Variants in KCNIP3 observed in about 807,000 individuals in gnomAD.
KCNIP3 encodes potassium voltage-gated channel interacting protein 3, also known as calsenilin.
KCNIP3 carries 28 observed loss-of-function variants against 35.0 expected under a neutral mutation model. The ratio of observed to expected loss-of-function variants is 0.80; its 90% CI spans 0.59 to 1.10. KCNIP3 has a LOEUF of 1.10. Ranked by LOEUF, KCNIP3 falls within the 50% of genes least tolerant of loss-of-function variation. KCNIP3 has a pLI of 0.00. For synonymous variants in KCNIP3, 134 were observed against 133.8 expected (o/e 1.00, Z -0.01); for missense variants, 295 against 338.4 (o/e 0.87, Z 1.01).
chr2:95,382,907 C>G lies in KCNIP3; in HGVS notation c.661-325C>G, dbSNP rs1268290201. 6.6e-6 allele frequency among the ~76,000 whole-genome samples: 1 copy of G among 152,198 alleles called. No homozygotes were observed. Among genetic ancestry groups the G allele is most frequent in the Admixed American group, 6.5e-5 (1 of 15,286 alleles). On this transcript the variant is annotated intron_variant, in intron 7 of 8. Transcript: ENST00000295225. This position sits in a 1 kb window ranked among gnomAD's most constrained non-coding sequence, Gnocchi z 4.5. ...GACTCAGTTGCTCCCTCTGCCCTGG[C>G]TGCCTCTCAGGGAGGTGAGGCGGTC...
At chr2:95,323,469 G>A (rs1373098255) in intron 2 of KCNIP3, among the ~76,000 whole-genome samples, 1 of 152,158 alleles carries the variant, frequency 6.6e-6, no homozygotes, top group Non-Finnish European at 1.5e-5. Context: ...TTCCAGGCTG[G>A]AGCCCGCAGG....
At chr2:95,345,114 TTAAAAC>T (rs1191208853) in intron 2 of KCNIP3, among the ~76,000 whole-genome samples, 1 of 152,242 alleles carries the variant, frequency 6.6e-6, no homozygotes, top group African/African-American at 2.4e-5. Context: ...TTACAGTTCT[TTAAAAC>T]TAACGCCAAC....
intron 2 of KCNIP3, chr2:95,355,235 C>T (rs1305545027): frequency 6.6e-6 from 1 of 152,152 alleles, no homozygotes; most frequent in African/African-American, 2.4e-5. Flanking sequence ...TGGTCCAAGT[C>T]CACAGTGAGA....
At chr2:95,329,250 C>T (rs1253333741) in intron 2 of KCNIP3, among the ~76,000 whole-genome samples, 1 of 152,216 alleles carries the variant, frequency 6.6e-6, no homozygotes, top group Non-Finnish European at 1.5e-5. Context: ...GCCCTACAAC[C>T]TTCTTATCCC....
At position 95,382,072 on chromosome 2, in the gene KCNIP3, A is replaced by G. The variant is rs1314785172; in HGVS notation, c.556-305A>G. Among the ~76,000 whole-genome samples, 4 of 152,218 alleles carry G rather than the reference A, an allele frequency of 2.6e-5. No homozygotes were observed. In the East Asian group the frequency reaches 7.7e-4, roughly 29 times the overall value. On this transcript the variant is annotated intron_variant, in intron 6 of 8. Transcript: ENST00000295225. This position sits in a 1 kb window ranked among gnomAD's most constrained non-coding sequence, Gnocchi z 4.5. ...CCCTTAAGGCATGGGTGGAGAGGGG[A>G]GCCCTCGCACATGGGCCCACAGACA...
At chr2:95,326,021 T>A (rs1428732157) in intron 2 of KCNIP3, among the ~76,000 whole-genome samples, 2 of 138,312 alleles carry the variant, frequency 1.4e-5, no homozygotes, top group South Asian at 2.4e-4. Flanking sequence ...ACATACACAT[T>A]CACTCATACA....
chr2:95,364,858 G>A (rs1679882052), intron 2 of KCNIP3, among the ~76,000 whole-genome samples: 1 of 152,098 alleles, frequency 6.6e-6, no homozygotes, highest in Admixed American at 6.5e-5. Context: ...ATGCAGTCTT[G>A]AGGATCACTT....
At chr2:95,346,505 G>C (rs1679368858) in intron 2 of KCNIP3, among the ~76,000 whole-genome samples, 1 of 149,310 alleles carries the variant, frequency 6.7e-6, no homozygotes, top group Non-Finnish European at 1.5e-5. Context: ...CCGCAGGGAC[G>C]CCTCCCGGAG....
intron 2 of KCNIP3, among the ~76,000 whole-genome samples, chr2:95,349,587 T>A (rs1679460918): frequency 2.0e-5 from 3 of 152,128 alleles, no homozygotes; most frequent in Admixed American, 1.3e-4. Flanking sequence ...GCTCGCCCCT[T>A]GATCCATGGA....
At chr2:95,337,595 T>G (rs1266714744) in intron 2 of KCNIP3, among the ~76,000 whole-genome samples, 3 of 152,222 alleles carry the variant, frequency 2.0e-5, no homozygotes, top group Non-Finnish European at 4.4e-5. Context: ...TATTCTAAAG[T>G]GCTTTATACA....
At chr2:95,325,866 C>T (rs1206005692) in intron 2 of KCNIP3, among the ~76,000 whole-genome samples, 2 of 151,552 alleles carry the variant, frequency 1.3e-5, no homozygotes, top group African/African-American at 4.9e-5. Flanking sequence ...CTCACAGGCA[C>T]ACATACACTC....
intron 6 of KCNIP3, 54 bp downstream of exon 6, chr2:95,381,757 C>T (rs1680352213): frequency 8.6e-7 from 1 of 1,166,914 alleles, no homozygotes; most frequent in South Asian, 1.3e-5. Context: ...TGCTGCTCCA[C>T]CCCTCCCGCC....
intron 2 of KCNIP3, among the ~76,000 whole-genome samples, chr2:95,317,894 T>A (rs1292817851): frequency 3.9e-5 from 6 of 152,192 alleles, no homozygotes; most frequent in Non-Finnish European, 5.9e-5. Flanking sequence ...CCAGCATGGC[T>A]GTGGGAAGCA....
chr2:95,345,693 C>A (rs1406874677), intron 2 of KCNIP3, among the ~76,000 whole-genome samples: 1 of 152,246 alleles, frequency 6.6e-6, no homozygotes, highest in East Asian at 1.9e-4. Context: ...GCCCACAGTG[C>A]GCCGCGCCCG....
chr2:95,338,014 T>G (rs918811), intron 2 of KCNIP3, among the ~76,000 whole-genome samples: 117,843 of 152,082 alleles, frequency 0.77, 46,173 homozygotes, highest in African/African-American at 0.88. Context: ...CTCAGTCAGG[T>G]ATTAGGCCTG....
Position 95,310,482 on chromosome 2 carries a change from T to G in KCNIP3, c.143T>G (p.Val48Gly). 1 of 1,611,530 alleles carries G rather than the reference T, an allele frequency of 6.2e-7. No individual in the cohort carries two copies. Among genetic ancestry groups the G allele is most frequent in the Non-Finnish European group, 8.5e-7 (1 of 1,179,730 alleles). Reference sequence around the variant, plus strand: ...CAGGCTTTGATGAGATGCTGCCTGGTCAAGTGGATCCTGTCCAGCACAGCC... The same window carrying G: ...CAGGCTTTGATGAGATGCTGCCTGGGCAAGTGGATCCTGTCCAGCACAGCC... Reference protein sequence around the residue: ...SRQALMRCCLVKWILSSTAPQ... With the variant: ...SRQALMRCCLGKWILSSTAPQ... Residue 48 changes from valine to glycine, a missense_variant, in exon 2 of 9, where the codon GTC becomes GGC. Transcript: ENST00000295225.
intron 2 of KCNIP3, among the ~76,000 whole-genome samples, chr2:95,317,924 G>A (rs768563817): frequency 1.1e-4 from 16 of 152,184 alleles, no homozygotes; most frequent in Non-Finnish European, 1.8e-4. Flanking sequence ...CATCATCAGC[G>A]TCTTCTTCCG....
At chr2:95,329,693 G>A (rs535621243) in intron 2 of KCNIP3, among the ~76,000 whole-genome samples, 42 of 152,350 alleles carry the variant, frequency 2.8e-4, no homozygotes, top group Middle Eastern at 3.4e-3. Context: ...GGCCTGACGG[G>A]GGTCTGCTGG....
At position 95,309,335 on chromosome 2, in the gene KCNIP3, T is replaced by G. The variant is rs115216804; in HGVS notation, c.16-1020T>G. The stretch of plus-strand genomic sequence containing the variant: ...CAGGATTGGGGGGCCTGAAATACGT[T>G]GTAGGAGAGCAAATCCTGCTGCCCT... On this transcript the variant is annotated intron_variant, in intron 1 of 8. Coordinates refer to ENST00000295225, the MANE Select transcript of KCNIP3 (RefSeq NM_013434.5). Among the ~76,000 whole-genome samples the G allele has an allele frequency of 1.9e-3, 285 of 151,908 alleles. 2 individuals carry two copies. The highest frequency in any genetic ancestry group is 6.7e-3 in the African/African-American group (278 of 41,438).
Sources: gnomAD v4.1 joint callset for allele counts (sites outside exome capture counted in the v4.1 genomes callset) on GRCh38, gnomAD v4.1.1 for gene constraint, Gnocchi (gnomAD v3.1) non-coding constraint, MANE v1.5 for transcripts, NCBI Gene and HGNC (gene_info 2026-07-23, HGNC 2026-07-21) for gene names.